The following PRKRA variants were observed in gnomAD, a reference collection of about 807,000 sequenced individuals.
PRKRA encodes the protein protein activator of interferon induced protein kinase EIF2AK2, also known as interferon-inducible double-stranded RNA-dependent protein kinase activator A.
Under a neutral mutation model 32.4 loss-of-function variants are expected in PRKRA, and 22 were observed. That is an observed-to-expected ratio of 0.68 (90% CI 0.49 to 0.97). The LOEUF (loss-of-function observed/expected upper bound fraction) is 0.97. Ranked by LOEUF, PRKRA falls within the 50% of genes least tolerant of loss-of-function variation. The pLI, the probability that PRKRA is intolerant of heterozygous loss-of-function variation, is 0.00. For missense variants in PRKRA, 319 were observed against 375.6 expected (o/e 0.85, Z 1.25); for synonymous variants, 139 against 129.8 (o/e 1.07, Z -0.48).
chr2:178,447,267 TAAAA>T, intron 3 of PRKRA: 1 of 497,318 alleles, frequency 2.0e-6, no homozygotes, highest in South Asian at 2.6e-5. Flanking sequence ...TGTATCCCAT[TAAAA>T]AAAAAAAAAC....
Position 178,432,268 on chromosome 2 carries a change from T to A in PRKRA, c.785-14A>T. 6.2e-7 allele frequency: 1 copy of A among 1,614,216 alleles called. No homozygotes were observed. On this transcript the variant is annotated splice_polypyrimidine_tract_variant and intron_variant, in intron 7 of 7. Coordinates refer to ENST00000325748, the MANE Select transcript of PRKRA (RefSeq NM_003690.5). Reference sequence around the variant, plus strand: ...CGCTCAGTTCATCTGTAATGACACATTCAAGGATGACGATTAATGTCCAAT... The same window carrying A: ...CGCTCAGTTCATCTGTAATGACACAATCAAGGATGACGATTAATGTCCAAT...
At chr2:178,433,390 T>C (rs914699430) in intron 7 of PRKRA, 3 of 152,118 alleles carry the variant, frequency 2.0e-5, no homozygotes, top group Non-Finnish European at 4.4e-5. Context: ...AGGAGTGGAG[T>C]TGCTGGGTCA....
intron 3 of PRKRA, 125 bp from the exon 4 acceptor site, chr2:178,444,625 C>A: frequency 1.3e-6 from 1 of 774,640 alleles, no homozygotes; most frequent in Non-Finnish European, 2.2e-6. Context: ...ATGGAATGCC[C>A]TTTTCTCAGA....
intron 2 of PRKRA, among the ~76,000 whole-genome samples, chr2:178,448,666 C>T (rs898982537): frequency 1.3e-5 from 2 of 152,136 alleles, no homozygotes; most frequent in East Asian, 3.8e-4. Flanking sequence ...CGTGTAGCTA[C>T]AAGACTGCAG....
Position 178,451,075 on chromosome 2 carries a change from G to A in PRKRA, c.-45C>T, listed in dbSNP as rs1326052025. 4.8e-5 allele frequency: 74 copies of A among 1,539,330 alleles called. No homozygotes were observed. The East Asian group carries it at 1.8e-3, about 37-fold the overall frequency. Reference sequence around the variant, plus strand: ...GCGGCTGGAGGAAGAGCGGTGCGGAGCGACGTGCTCGCTCCCCGGGTCGCT... The same window carrying A: ...GCGGCTGGAGGAAGAGCGGTGCGGAACGACGTGCTCGCTCCCCGGGTCGCT... On this transcript the variant is annotated 5_prime_UTR_variant, in exon 1 of 8. Coordinates refer to ENST00000325748, the MANE Select transcript of PRKRA (RefSeq NM_003690.5).
At chr2:178,450,600 G>T (rs1697552784) in intron 1 of PRKRA, 189 bp from the exon 2 acceptor site, 1 of 1,479,936 alleles carries the variant, frequency 6.8e-7, no homozygotes, top group African/African-American at 1.4e-5. Context: ...CTCCGCAGGA[G>T]CAGGCGGGGT....
At chr2:178,450,648 G>C in intron 1 of PRKRA, 1 of 1,441,754 alleles carries the variant, frequency 6.9e-7, no homozygotes, top group Non-Finnish European at 9.0e-7. Flanking sequence ...AATGCGGGTA[G>C]GAGAGATTCT....
intron 7 of PRKRA, among the ~76,000 whole-genome samples, chr2:178,434,809 T>A (rs946548194): frequency 6.6e-5 from 10 of 152,052 alleles, no homozygotes; most frequent in Non-Finnish European, 1.3e-4. Flanking sequence ...GGATATAAAA[T>A]TTCTCACACA....
chr2:178,450,311 T>C lies in PRKRA; in HGVS notation c.166A>G (p.Arg56Gly), dbSNP rs1575104138. ...TKNIPVYECE[R>G]SDVQIHVPTF... Reference sequence around the variant, plus strand: ...GGCACGTGTATTTGCACATCAGATCTTTCACATTCATAAACTGGGATGTTC... The same window carrying C: ...GGCACGTGTATTTGCACATCAGATCCTTCACATTCATAAACTGGGATGTTC... Residue 56 changes from arginine (R) to glycine (G), a missense_variant, in exon 2 of 8, where the codon AGA (arginine) becomes GGA (glycine). Physicochemically the swap from Arg to Gly is moderately radical, Grantham distance 125. Transcript: ENST00000325748. The C allele has an allele frequency of 1.2e-6, 2 of 1,614,276 alleles. No individual in the cohort carries two copies. The highest frequency in any genetic ancestry group is 8.5e-7 in the Non-Finnish European group (1 of 1,180,046).
At chr2:178,437,796 A>AT (rs1421298525) in intron 6 of PRKRA, among the ~76,000 whole-genome samples, 3 of 151,976 alleles carry the variant, frequency 2.0e-5, no homozygotes, top group Admixed American at 6.6e-5. Context: ...AAAGTTGAAT[A>AT]TTTTTTCTTT....
At chr2:178,450,593 C>T in intron 1 of PRKRA, 182 bp from the exon 2 acceptor site, 1 of 1,486,714 alleles carries the variant, frequency 6.7e-7, no homozygotes, top group South Asian at 1.3e-5. Context: ...GCAGTCACTC[C>T]GCAGGAGCAG....
chr2:178,443,951 T>C (rs1426575932), intron 4 of PRKRA: 2 of 170,270 alleles, frequency 1.2e-5, no homozygotes, highest in African/African-American at 4.8e-5. Context: ...AAGGATATTC[T>C]GCATATAGAA....
chr2:178,432,106 T>G lies in PRKRA; in HGVS notation c.933A>C (p.Glu311Asp). 6.2e-7 allele frequency: 1 copy of G among 1,614,216 alleles called. No homozygotes were observed. The change falls in exon 8 of 8, where the codon GAA becomes GAC. Residue 311 changes from glutamate to aspartate, a missense_variant. Glu to Asp is a conservative substitution (Grantham distance 45). Transcript: ENST00000325748. ...TTAAGTTGCTCCAGATTTACTTTCT[T>G]TCTGCTATTATCTTTAAATACTGCA... ...NALQYLKIIAERK is the reference protein window; with the variant it reads ...NALQYLKIIADRK
chr2:178,449,150 T>A (rs993029557), intron 2 of PRKRA, among the ~76,000 whole-genome samples: 2 of 152,150 alleles, frequency 1.3e-5, no homozygotes, highest in Non-Finnish European at 2.9e-5. Context: ...ACGGTTGCCA[T>A]AGGTTGTTAA....
chr2:178,436,408 TCACA>T, intron 6 of PRKRA, 89 bp from the exon 7 acceptor site: 2 of 811,754 alleles, frequency 2.5e-6, no homozygotes, highest in Non-Finnish European at 3.7e-6. Context: ...TATTAAGCAC[TCACA>T]TTTAATATGT....
intron 3 of PRKRA, among the ~76,000 whole-genome samples, chr2:178,446,072 G>C (rs981089884): frequency 6.6e-5 from 10 of 151,160 alleles, no homozygotes; most frequent in African/African-American, 2.4e-4. Flanking sequence ...TGGAGTGCAG[G>C]GGCACAATCT....
At chr2:178,450,552 TG>T in intron 1 of PRKRA, 141 bp from the exon 2 acceptor site, 1 of 1,546,018 alleles carries the variant, frequency 6.5e-7, no homozygotes, top group Non-Finnish European at 8.7e-7. Context: ...CTGGCGAGGC[TG>T]GGGCGCACCT....
At chr2:178,439,284 T>TAC (rs1219590045) in intron 6 of PRKRA, 1 of 152,218 alleles carries the variant, frequency 6.6e-6, no homozygotes, top group Non-Finnish European at 1.5e-5. Context: ...GATACACACA[T>TAC]ACAGCAAAAA....
chr2:178,447,301 G>C (rs928493417), intron 3 of PRKRA: 1 of 814,146 alleles, frequency 1.2e-6, no homozygotes, highest in Non-Finnish European at 1.8e-6. Flanking sequence ...TAGTTCATGA[G>C]CACCTTCATT....
Sources: gnomAD v4.1 joint callset for allele counts (sites outside exome capture counted in the v4.1 genomes callset) on GRCh38, gnomAD v4.1.1 for gene constraint, MANE v1.5 for transcripts, NCBI Gene and HGNC (gene_info 2026-07-23, HGNC 2026-07-21) for gene names.